SAXO1: variants seen among roughly 807,000 people sequenced by gnomAD.
SAXO1 encodes the protein stabilizer of axonemal microtubules 1.
Under a neutral mutation model 17.5 loss-of-function variants are expected in SAXO1, and 21 were observed. That is an observed-to-expected ratio of 1.20 (90% CI 0.85 to 1.72). The LOEUF is 1.72. SAXO1 is among the 40% of genes most tolerant of loss of function. SAXO1 has a pLI of 0.00. For missense variants in SAXO1, 843 were observed against 596.0 expected (o/e 1.41, Z -4.32); for synonymous variants, 274 against 216.5 (o/e 1.27, Z -2.33).
intron 1 of SAXO1, among the ~76,000 whole-genome samples, chr9:18,989,787 G>C (rs757039907): frequency 2.8e-4 from 43 of 152,136 alleles, no homozygotes; most frequent in African/African-American, 1.0e-3. Context: ...AGCTTTTCAT[G>C]GTGTACAACT....
intron 1 of SAXO1, among the ~76,000 whole-genome samples, chr9:18,993,737 T>C (rs769910094): frequency 1.4e-4 from 22 of 152,192 alleles, no homozygotes; most frequent in Non-Finnish European, 3.1e-4. Context: ...GACCTTCATA[T>C]GGAGACCCTA....
chr9:18,979,613 G>A (rs986060955), intron 1 of SAXO1, among the ~76,000 whole-genome samples: 8 of 152,214 alleles, frequency 5.3e-5, no homozygotes, highest in African/African-American at 1.7e-4. Flanking sequence ...TCTGGATTGG[G>A]AGTGATCTCA....
At chr9:18,995,286 A>ATC (rs1833957558) in intron 1 of SAXO1, among the ~76,000 whole-genome samples, 1 of 152,166 alleles carries the variant, frequency 6.6e-6, no homozygotes, top group African/African-American at 2.4e-5. Context: ...ATCAGTATCT[A>ATC]TCTCTCTCTC....
intron 1 of SAXO1, among the ~76,000 whole-genome samples, chr9:19,023,545 C>G (rs534932817): frequency 6.6e-6 from 1 of 152,094 alleles, no homozygotes; most frequent in Non-Finnish European, 1.5e-5. Context: ...GGGATTTGAA[C>G]CAAGATAGGC....
chr9:19,017,743 T>C (rs1282980850), intron 1 of SAXO1, among the ~76,000 whole-genome samples: 1 of 152,222 alleles, frequency 6.6e-6, no homozygotes, highest in Non-Finnish European at 1.5e-5. Flanking sequence ...CATTTAAAAA[T>C]ATCCATGCCT....
chr9:18,958,918 G>C (rs568421509), intron 1 of SAXO1, among the ~76,000 whole-genome samples: 29 of 152,256 alleles, frequency 1.9e-4, no homozygotes, highest in African/African-American at 6.3e-4. Flanking sequence ...TTGCGAAGAA[G>C]GAAAATAAGT....
upstream of SAXO1, chr9:19,033,265 G>A: frequency 3.9e-6 from 1 of 253,644 alleles, no homozygotes; most frequent in Non-Finnish European, 7.5e-6. Flanking sequence ...TGTCGCCAGG[G>A]CCAGGAGGGG....
chr9:18,997,021 G>A (rs74449991), intron 1 of SAXO1, among the ~76,000 whole-genome samples: 2,765 of 152,262 alleles, frequency 0.018, 83 homozygotes, highest in African/African-American at 0.061. Context: ...AGCTCCCAGC[G>A]AGACTGACGC....
At chr9:19,006,244 C>G (rs1379584989) in intron 1 of SAXO1, among the ~76,000 whole-genome samples, 1 of 152,198 alleles carries the variant, frequency 6.6e-6, no homozygotes, top group East Asian at 1.9e-4. Context: ...TAGAATTACC[C>G]TATGATCCAC....
At chr9:18,967,428 T>C (rs980040939) in intron 1 of SAXO1, among the ~76,000 whole-genome samples, 1 of 152,220 alleles carries the variant, frequency 6.6e-6, no homozygotes, top group Non-Finnish European at 1.5e-5. Context: ...TTGCCTTTCT[T>C]TCAGAGATGC....
In SAXO1 at chr9:18,989,709, T is replaced by A. The variant is rs111253699; in HGVS notation, c.39-38772A>T. Among the ~76,000 whole-genome samples, 783 of 152,236 alleles carry A rather than the reference T, an allele frequency of 5.1e-3. 1 individual carries two copies. The highest frequency in any genetic ancestry group is 9.2e-3 in the Non-Finnish European group (623 of 68,008). On this transcript the variant is annotated intron_variant, in intron 1 of 3. Coordinates refer to ENST00000380534, the MANE Select transcript of SAXO1 (RefSeq NM_153707.4). ...GGAACATCAAATTCACTTCAGACCATGTTGAAATAAAGTCTTTAATCTGAA... is the reference window on the plus strand; with the variant it reads ...GGAACATCAAATTCACTTCAGACCAAGTTGAAATAAAGTCTTTAATCTGAA...
chr9:18,934,867 C>A (rs1831220850), intron 3 of SAXO1, among the ~76,000 whole-genome samples: 1 of 152,290 alleles, frequency 6.6e-6, no homozygotes, highest in South Asian at 2.1e-4. Flanking sequence ...ATCTTCCCTG[C>A]AGTGTATGGC....
At chr9:18,957,439 C>T (rs1563942953) in intron 1 of SAXO1, among the ~76,000 whole-genome samples, 1 of 152,150 alleles carries the variant, frequency 6.6e-6, no homozygotes, top group Non-Finnish European at 1.5e-5. Flanking sequence ...ACGCCAGGGC[C>T]CAATCACCTC....
chr9:19,008,383 A>T (rs1209372494), intron 1 of SAXO1, among the ~76,000 whole-genome samples: 1 of 152,142 alleles, frequency 6.6e-6, no homozygotes, highest in Non-Finnish European at 1.5e-5. Flanking sequence ...CTTTGAGCTA[A>T]CCACTCAGTT....
intron 1 of SAXO1, among the ~76,000 whole-genome samples, chr9:18,968,905 T>A (rs1458619858): frequency 6.6e-6 from 1 of 152,132 alleles, no homozygotes; most frequent in African/African-American, 2.4e-5. Context: ...AAAATATCCC[T>A]ACTTTTAGAG....
intron 2 of SAXO1, among the ~76,000 whole-genome samples, chr9:18,944,590 G>T (rs903001099): frequency 1.3e-5 from 2 of 152,200 alleles, no homozygotes; most frequent in African/African-American, 2.4e-5. Context: ...AGAGAAGTAA[G>T]TTTCTTTTAG....
chr9:18,970,358 A>G (rs7872487), intron 1 of SAXO1, among the ~76,000 whole-genome samples: 27,224 of 151,966 alleles, frequency 0.18, 5,074 homozygotes, highest in African/African-American at 0.48. Flanking sequence ...ATAAATAACA[A>G]TCAATTGCTG....
intron 1 of SAXO1, among the ~76,000 whole-genome samples, chr9:18,959,239 G>A (rs1832383451): frequency 6.6e-6 from 1 of 152,102 alleles, no homozygotes; most frequent in Non-Finnish European, 1.5e-5. Flanking sequence ...GGCAGTGGGT[G>A]GAAGAACTAA....
At chr9:18,993,799 G>C (rs1168262385) in intron 1 of SAXO1, among the ~76,000 whole-genome samples, 3 of 152,146 alleles carry the variant, frequency 2.0e-5, no homozygotes, top group African/African-American at 7.2e-5. Context: ...AATCCTTAAA[G>C]TCACCCTATG....
Sources: allele counts gnomAD v4.1 joint callset (sites outside exome capture counted in the v4.1 genomes callset), GRCh38; gene constraint gnomAD v4.1.1; transcripts MANE v1.5; gene names NCBI Gene and HGNC (gene_info 2026-07-23, HGNC 2026-07-21).